The following ZNF439 variants were observed in gnomAD, a reference collection of about 807,000 sequenced individuals.
ZNF439 encodes the protein zinc finger protein 439.
ZNF439 carries 40 observed loss-of-function variants against 47.3 expected under a neutral mutation model. The observed-to-expected ratio is 0.85, with a 90% CI of 0.66 to 1.10. The LOEUF is 1.10. Among genes scored for constraint, ZNF439 ranks in the 50% least tolerant of loss-of-function variants. The pLI, the probability that ZNF439 is intolerant of heterozygous loss-of-function variation, is 0.00. For missense variants in ZNF439, 556 were observed against 601.1 expected (o/e 0.93, Z 0.78); for synonymous variants, 171 against 198.8 (o/e 0.86, Z 1.18).
intron 1 of ZNF439, among the ~76,000 whole-genome samples, chr19:11,861,032 T>A (rs1474062199): frequency 1.3e-5 from 2 of 152,170 alleles, no homozygotes; most frequent in African/African-American, 4.8e-5. Context: ...CCTCATTGCT[T>A]CTTATTTAAA....
At position 11,867,951 on chromosome 19, in the gene ZNF439, A is replaced by G; in HGVS notation, c.897A>G (p.Gly299=). The change falls in exon 4 of 4, where the codon GGA becomes GGG. Residue 299 remains glycine (G), a synonymous_variant. Transcript: ENST00000682736. ...SCHRHERSHM[G]EKAYQCKECG... ...ACAGACATGAAAGGAGTCACATGGG[A>G]GAGAAGGCTTATCAATGTAAGGAAT... 2 of 1,614,156 alleles carry G rather than the reference A, an allele frequency of 1.2e-6. No individual in the cohort carries two copies. Among genetic ancestry groups the G allele is most frequent in the Non-Finnish European group, 1.7e-6 (2 of 1,180,034 alleles).
intron 1 of ZNF439, chr19:11,849,354 C>G (rs1976166787): frequency 1.1e-6 from 1 of 922,880 alleles, no homozygotes; most frequent in South Asian, 4.7e-5. Context: ...CAGCCATTCA[C>G]GAATGAGAAA....
intron 1 of ZNF439, among the ~76,000 whole-genome samples, chr19:11,861,893 C>A (rs1976550691): frequency 1.3e-5 from 2 of 152,238 alleles, no homozygotes; most frequent in South Asian, 4.1e-4. Context: ...TGGAAACAGA[C>A]ATCAGATTGT....
intron 1 of ZNF439, chr19:11,849,936 A>G (rs923326483): frequency 3.3e-5 from 5 of 152,068 alleles, no homozygotes; most frequent in African/African-American, 1.2e-4. Flanking sequence ...GCTGCATGTA[A>G]ACTCCTAAAG....
chr19:11,859,803 C>T lies in ZNF439; in HGVS notation c.64-6402C>T, dbSNP rs148022591. Among the ~76,000 whole-genome samples the T allele has an allele frequency of 8.5e-5, 13 of 152,092 alleles. No individual in the cohort carries two copies. In the East Asian group the frequency reaches 1.7e-3, roughly 20 times the overall value. ...CAGATGTTTCTGCTATTGGAGGGGG[C>T]GGTATAGGCCAATTTTTATCCTCCT... On this transcript the variant is annotated intron_variant, in intron 1 of 3. Coordinates refer to ENST00000682736, the MANE Select transcript of ZNF439 (RefSeq NM_001348719.2).
In ZNF439 at chr19:11,866,718, A is replaced by C. The variant is rs1287221918; in HGVS notation, c.251+121A>C. The C allele has an allele frequency of 4.8e-6, 5 of 1,049,504 alleles. No homozygotes were observed. In the South Asian group the frequency reaches 8.3e-5, roughly 17 times the overall value. The allele number at this position is 1,049,504 out of a possible 1,614,324, so 65.0% of individuals were successfully genotyped here. A position where few individuals can be genotyped will look rare whatever the true frequency, so the allele number is the denominator to read the frequency against. On this transcript the variant is annotated intron_variant, in intron 3 of 3. Coordinates refer to ENST00000682736, the MANE Select transcript of ZNF439 (RefSeq NM_001348719.2). ...GATCAAGTTCATTTATTCATACAAT[A>C]TTTTATCTAAAAATATATATTTAAA...
At chr19:11,851,835 G>T (rs1976252263) in intron 1 of ZNF439, among the ~76,000 whole-genome samples, 1 of 151,980 alleles carries the variant, frequency 6.6e-6, no homozygotes. Context: ...TTTTATGGAG[G>T]TGGGGTCTCG....
chr19:11,862,132 A>C (rs1380843341), intron 1 of ZNF439, among the ~76,000 whole-genome samples: 1 of 152,020 alleles, frequency 6.6e-6, no homozygotes, highest in African/African-American at 2.4e-5. Flanking sequence ...AGGGTCACAA[A>C]CTCCCAAGCT....
chr19:11,855,361 G>A (rs990159595), intron 1 of ZNF439, among the ~76,000 whole-genome samples: 2 of 152,080 alleles, frequency 1.3e-5, no homozygotes, highest in African/African-American at 4.8e-5. Flanking sequence ...AGCACAGGTG[G>A]GGCGACTGGG....
At position 11,858,109 on chromosome 19, in the gene ZNF439, T is replaced by G. The variant is rs1976435111; in HGVS notation, c.64-8096T>G. ...AGAGAAACAGGTTCTCTTGGATGAA[T>G]AGAAGGCACAGAGAAGGCAGATCCA... is the stretch of plus-strand genomic sequence containing the variant. On this transcript the variant is annotated intron_variant, in intron 1 of 3. Coordinates refer to ENST00000682736, the MANE Select transcript of ZNF439 (RefSeq NM_001348719.2). 3 of 152,038 alleles carry G rather than the reference T, an allele frequency of 2.0e-5. No individual in the cohort carries two copies. The South Asian group carries it at 6.2e-4, about 32-fold the overall frequency. The allele number at this position is 152,038 out of a possible 1,614,324, so 9.4% of individuals were successfully genotyped here.
chr19:11,852,623 C>T (rs1976279649), intron 1 of ZNF439, among the ~76,000 whole-genome samples: 1 of 152,186 alleles, frequency 6.6e-6, no homozygotes, highest in Non-Finnish European at 1.5e-5. Context: ...AATTCTCCTG[C>T]CTTAGCCTCC....
Position 11,867,553 on chromosome 19 carries a change from C to T in ZNF439, c.499C>T (p.Gln167Ter). 1.2e-6 allele frequency: 2 copies of T among 1,614,102 alleles called. No individual in the cohort carries two copies. The highest frequency in any genetic ancestry group is 1.7e-6 in the Non-Finnish European group (2 of 1,180,004). The change falls in exon 4 of 4, where the codon CAA becomes TAA. Residue 167 changes from glutamine (Q) to a stop codon, truncating the protein, a stop_gained. Coordinates refer to ENST00000682736, the MANE Select transcript of ZNF439 (RefSeq NM_001348719.2). LOFTEE classifies it high-confidence loss of function. ...TGGACCAAAGCCATGGAAGAGTCAA[C>T]AACCTAAAAAAGCCTTCAGATATCA... ...EYGPKPWKSQ[Q>*]PKKAFRYHPS...
Position 11,866,569 on chromosome 19 carries a change from G to A in ZNF439, c.223G>A (p.Glu75Lys), listed in dbSNP as rs376675808. The change falls in exon 3 of 4, where the codon GAG becomes AAG. Residue 75 changes from glutamate to lysine, a missense_variant. Coordinates refer to ENST00000682736, the MANE Select transcript of ZNF439 (RefSeq NM_001348719.2). The part of the protein sequence containing the change: ...KKWKDQNIEY[E>K]YQNPRRNFRS... ...GTGGAAAGACCAGAACATTGAATATGAGTACCAAAACCCCAGGAGAAACTT... is the reference window on the plus strand; with the variant it reads ...GTGGAAAGACCAGAACATTGAATATAAGTACCAAAACCCCAGGAGAAACTT... 42 of 1,613,474 alleles carry A rather than the reference G, an allele frequency of 2.6e-5. No homozygotes were observed. In the African/African-American group the frequency reaches 5.1e-4, roughly 19 times the overall value.
At chr19:11,860,720 T>G (rs1477719973) in intron 1 of ZNF439, among the ~76,000 whole-genome samples, 1 of 152,084 alleles carries the variant, frequency 6.6e-6, no homozygotes, top group Non-Finnish European at 1.5e-5. Context: ...TTAAAGGAGA[T>G]AGAAGGGGGT....
chr19:11,855,177 C>A (rs1467309889), intron 1 of ZNF439, among the ~76,000 whole-genome samples: 2 of 152,192 alleles, frequency 1.3e-5, no homozygotes, highest in Admixed American at 6.5e-5. Context: ...AGCTTACCAC[C>A]AATGCCAGCC....
rs1345799407 is a variant in ZNF439, at chr19:11,864,014, T to C, written c.64-2191T>C. ...GCATTTTTAATACTTGTCTTTATAG[T>C]AGATTTTTCTATGTTCCTAGTGCCT... On this transcript the variant is annotated intron_variant, in intron 1 of 3. Transcript: ENST00000682736. 2.0e-5 allele frequency among the ~76,000 whole-genome samples: 3 copies of C among 152,266 alleles called. No individual in the cohort carries two copies. The Middle Eastern group carries it at 0.01, about 518-fold the overall frequency.
chr19:11,862,923 A>G (rs1017340021), intron 1 of ZNF439, among the ~76,000 whole-genome samples: 3 of 151,352 alleles, frequency 2.0e-5, no homozygotes, highest in African/African-American at 7.3e-5. Flanking sequence ...CAATTTTTGT[A>G]TTATTAGTAG....
chr19:11,861,831 A>T (rs72994210), intron 1 of ZNF439, among the ~76,000 whole-genome samples: 3,471 of 152,210 alleles, frequency 0.023, 71 homozygotes, highest in East Asian at 0.077. Context: ...GGGAATCACC[A>T]CCAGTCACTC....
intron 1 of ZNF439, among the ~76,000 whole-genome samples, chr19:11,865,306 T>C (rs1976644365): frequency 6.6e-6 from 1 of 151,954 alleles, no homozygotes; most frequent in African/African-American, 2.4e-5. Context: ...TTTTCAGTAA[T>C]GTCCTGTTTG....
Sources: allele counts gnomAD v4.1 joint callset (sites outside exome capture counted in the v4.1 genomes callset), GRCh38; gene constraint gnomAD v4.1.1; transcripts MANE v1.5; gene names NCBI Gene and HGNC (gene_info 2026-07-23, HGNC 2026-07-21).